Variants in ADCY2 observed in about 807,000 individuals in gnomAD.
ADCY2 encodes the protein adenylate cyclase type 2.
ADCY2 carries 31 observed loss-of-function variants against 125.2 expected under a neutral mutation model. The ratio of observed to expected loss-of-function variants is 0.25; its 90% confidence interval spans 0.19 to 0.33. The LOEUF (loss-of-function observed/expected upper bound fraction) is 0.33, where lower values mean the gene tolerates loss of function less well. Ranked by LOEUF, ADCY2 falls within the 10% of genes least tolerant of loss-of-function variation. The pLI, the probability that ADCY2 is intolerant of heterozygous loss-of-function variation, is 1.00. For synonymous variants in ADCY2, 512 were observed against 548.4 expected (o/e 0.93, Z 0.93); for missense variants, 904 against 1,418.2 (o/e 0.64, Z 5.82).
intron 3 of ADCY2, among the ~76,000 whole-genome samples, chr5:7,583,309 A>G (rs959938406): frequency 1.3e-5 from 2 of 152,106 alleles, no homozygotes; most frequent in African/African-American, 4.8e-5. Flanking sequence ...GGTAAGCTCA[A>G]CAGTCTATTT....
intron 16 of ADCY2, among the ~76,000 whole-genome samples, chr5:7,759,439 G>A (rs975966974): frequency 6.6e-6 from 1 of 152,242 alleles, no homozygotes; most frequent in East Asian, 1.9e-4. Context: ...GCAGGCCACA[G>A]CCTCCCAGGG....
chr5:7,521,021 C>T, intron 3 of ADCY2, 122 bp downstream of exon 3: 3 of 1,202,296 alleles, frequency 2.5e-6, no homozygotes, highest in Non-Finnish European at 3.5e-6. Context: ...CCTTTCTGCC[C>T]CTTGAGACTG....
intron 21 of ADCY2, among the ~76,000 whole-genome samples, chr5:7,804,040 A>G (rs866378404): frequency 2.1e-4 from 22 of 106,614 alleles, no homozygotes; most frequent in East Asian, 2.3e-4. Context: ...GGAGGGGGGA[A>G]AGAGAGAGAG....
intron 17 of ADCY2, among the ~76,000 whole-genome samples, chr5:7,768,508 A>C (rs1049521105): frequency 2.6e-5 from 4 of 152,158 alleles, no homozygotes; most frequent in African/African-American, 9.7e-5. Flanking sequence ...AAATTTTAAC[A>C]TGAAGATGCA....
chr5:7,511,956 C>T (rs1236698819), intron 2 of ADCY2, among the ~76,000 whole-genome samples: 2 of 151,886 alleles, frequency 1.3e-5, no homozygotes, highest in Admixed American at 6.6e-5. Flanking sequence ...CGCTGTGGCT[C>T]ACACCTGTAA....
intron 4 of ADCY2, among the ~76,000 whole-genome samples, chr5:7,641,097 A>G (rs937999506): frequency 2.6e-5 from 4 of 152,172 alleles, no homozygotes; most frequent in African/African-American, 7.2e-5. Flanking sequence ...TATAAGAACT[A>G]TGAGACCCAG....
Position 7,412,275 on chromosome 5 carries a change from C to G in ADCY2, c.211-2298C>G, listed in dbSNP as rs532955061. Among the ~76,000 whole-genome samples the G allele has an allele frequency of 3.3e-5, 5 of 152,170 alleles. No individual in the cohort carries two copies. In the East Asian group the frequency reaches 7.7e-4, roughly 24 times the overall value. ...CCAGTAAAGTCAATGATTGTTTCACCCCTGCTGGGATAATGAAATGACTGG... is the reference window on the plus strand; with the variant it reads ...CCAGTAAAGTCAATGATTGTTTCACGCCTGCTGGGATAATGAAATGACTGG... On this transcript the variant is annotated intron_variant, in intron 1 of 24. Transcript: ENST00000338316.
At chr5:7,821,597 C>T (rs997597138) in intron 24 of ADCY2, among the ~76,000 whole-genome samples, 2 of 152,208 alleles carry the variant, frequency 1.3e-5, no homozygotes, top group Non-Finnish European at 2.9e-5. Flanking sequence ...CTCAACTTTG[C>T]CCTTGTACAG....
At chr5:7,491,461 G>A (rs1743162431) in intron 2 of ADCY2, among the ~76,000 whole-genome samples, 1 of 152,084 alleles carries the variant, frequency 6.6e-6, no homozygotes, top group African/African-American at 2.4e-5. Flanking sequence ...GTGTTTGTAA[G>A]AGGACTTAGA....
chr5:7,475,916 T>G (rs1742508428), intron 2 of ADCY2, among the ~76,000 whole-genome samples: 1 of 152,154 alleles, frequency 6.6e-6, no homozygotes. Context: ...TTCTAATATA[T>G]ACATTCTTCT....
chr5:7,410,152 G>A (rs1739653384), intron 1 of ADCY2, among the ~76,000 whole-genome samples: 3 of 152,100 alleles, frequency 2.0e-5, no homozygotes, highest in Non-Finnish European at 2.9e-5. Context: ...GCCGGCTGAG[G>A]GACATTCGAC....
intron 18 of ADCY2, among the ~76,000 whole-genome samples, chr5:7,783,934 G>C (rs1053790914): frequency 3.3e-5 from 5 of 152,174 alleles, no homozygotes; most frequent in Admixed American, 3.3e-4. Flanking sequence ...ATATGAAACT[G>C]TGTAATTCAG....
intron 4 of ADCY2, among the ~76,000 whole-genome samples, chr5:7,640,442 A>G (rs1215144543): frequency 3.3e-5 from 5 of 152,210 alleles, no homozygotes; most frequent in Non-Finnish European, 7.3e-5. Flanking sequence ...AAATTTTTCC[A>G]CTATAGAGCA....
intron 3 of ADCY2, among the ~76,000 whole-genome samples, chr5:7,598,207 C>A (rs566951413): frequency 9.3e-4 from 141 of 152,142 alleles, no homozygotes; most frequent in African/African-American, 3.0e-3. Flanking sequence ...TCCGTAGTGG[C>A]CAAACGTTAG....
At chr5:7,655,907 G>C (rs1047314293) in intron 4 of ADCY2, among the ~76,000 whole-genome samples, 1 of 152,166 alleles carries the variant, frequency 6.6e-6, no homozygotes, top group Non-Finnish European at 1.5e-5. Flanking sequence ...GAGCTCAGCT[G>C]TCTGGACCCA....
chr5:7,553,687 G>T (rs570835900), intron 3 of ADCY2, among the ~76,000 whole-genome samples: 1 of 152,300 alleles, frequency 6.6e-6, no homozygotes, highest in South Asian at 2.1e-4. Flanking sequence ...GGGAGGGTAT[G>T]GTGGCTATTA....
At chr5:7,671,974 C>T (rs1222172095) in intron 4 of ADCY2, among the ~76,000 whole-genome samples, 4 of 152,050 alleles carry the variant, frequency 2.6e-5, no homozygotes, top group Non-Finnish European at 5.9e-5. Context: ...ACTTGAATTT[C>T]CATTTTCTGG....
At chr5:7,475,325 C>G (rs576879761) in intron 2 of ADCY2, among the ~76,000 whole-genome samples, 1 of 151,616 alleles carries the variant, frequency 6.6e-6, no homozygotes, top group Non-Finnish European at 1.5e-5. Flanking sequence ...ATGGAGAGGG[C>G]GGATGTGAAG....
chr5:7,811,335 T>A (rs1226708678), intron 22 of ADCY2, among the ~76,000 whole-genome samples: 1 of 152,016 alleles, frequency 6.6e-6, no homozygotes, highest in East Asian at 1.9e-4. Context: ...ACCCCATCTC[T>A]ACTAAAAATA....
Sources: gnomAD v4.1 joint callset for allele counts (sites outside exome capture counted in the v4.1 genomes callset) on GRCh38, gnomAD v4.1.1 for gene constraint, MANE v1.5 for transcripts, NCBI Gene and HGNC (gene_info 2026-07-23, HGNC 2026-07-21) for gene names.